AK8: variants seen among roughly 807,000 people sequenced by gnomAD.
AK8 encodes the protein ATP-AMP transphosphorylase 8.
AK8 carries 44 observed loss-of-function variants against 54.6 expected under a neutral mutation model. The observed-to-expected ratio is 0.81, with a 90% CI of 0.63 to 1.04. AK8 has a LOEUF of 1.04. Among genes scored for constraint, AK8 ranks in the 50% least tolerant of loss-of-function variants. AK8 has a pLI of 0.00. For synonymous variants in AK8, 239 were observed against 245.6 expected (o/e 0.97, Z 0.25); for missense variants, 555 against 613.6 (o/e 0.90, Z 1.01).
At chr9:132,766,614 C>A (rs1838735165) in intron 11 of AK8, among the ~76,000 whole-genome samples, 1 of 151,754 alleles carries the variant, frequency 6.6e-6, no homozygotes, top group African/African-American at 2.4e-5. Context: ...ATCAAAATAC[C>A]AATGAAATTC....
At chr9:132,878,366 A>G (rs1347958112), upstream of AK8, 16 of 1,251,116 alleles carry the variant, frequency 1.3e-5, no homozygotes, top group Non-Finnish European at 1.6e-5. This position sits in a 1 kb window ranked among gnomAD's most constrained non-coding sequence, Gnocchi z 4.7. Flanking sequence ...CGCCGGGCCC[A>G]GATACCCGAT....
intron 10 of AK8, among the ~76,000 whole-genome samples, chr9:132,804,417 A>C (rs1353921956): frequency 6.6e-6 from 1 of 152,152 alleles, no homozygotes; most frequent in African/African-American, 2.4e-5. Context: ...CTCCCAGTAA[A>C]AACCAACCAA....
At chr9:132,824,814 C>G (rs182322265) in intron 8 of AK8, among the ~76,000 whole-genome samples, 1,901 of 152,312 alleles carry the variant, frequency 0.012, 35 homozygotes, top group Middle Eastern at 0.02. Flanking sequence ...TTAGAATGGA[C>G]TTTTTTCCAG....
chr9:132,860,461 G>A lies in AK8; in HGVS notation c.333+3204C>T, dbSNP rs1026820345. Reference sequence around the variant, plus strand: ...TCAGCCAGCATCGTTCACATCTGGCGGACTCGAACGCAGGTAGAGGACAGG... The same window carrying A: ...TCAGCCAGCATCGTTCACATCTGGCAGACTCGAACGCAGGTAGAGGACAGG... On this transcript the variant is annotated intron_variant, in intron 4 of 12. Transcript: ENST00000298545. The surrounding 1 kb of genome is among the most constrained non-coding windows in gnomAD (Gnocchi z 4.4). Among the ~76,000 whole-genome samples, 9 of 152,208 alleles carry A rather than the reference G, an allele frequency of 5.9e-5. No homozygotes were observed. Among genetic ancestry groups the A allele is most frequent in the African/African-American group, 1.9e-4 (8 of 41,460 alleles).
chr9:132,782,996 ACTCCAAGATGTTCAC>A (rs1839542603), intron 11 of AK8, among the ~76,000 whole-genome samples: 3 of 151,898 alleles, frequency 2.0e-5, no homozygotes, highest in Admixed American at 6.6e-5. Context: ...CCTGCCCCCA[ACTCCAAGATGTTCAC>A]CTCTTAATTC....
chr9:132,867,045 C>A, intron 2 of AK8, 92 bp from the exon 3 acceptor site: 1 of 1,271,950 alleles, frequency 7.9e-7, no homozygotes, highest in East Asian at 2.3e-5. Flanking sequence ...TTCTCCCTCC[C>A]TAGATTTCAT....
intron 11 of AK8, among the ~76,000 whole-genome samples, chr9:132,741,592 C>G (rs947153435): frequency 6.6e-6 from 1 of 152,154 alleles, no homozygotes; most frequent in South Asian, 2.1e-4. Flanking sequence ...GGTGGGTCAC[C>G]GCAGCCTCCA....
intron 11 of AK8, among the ~76,000 whole-genome samples, chr9:132,783,615 T>C (rs1003670745): frequency 5.3e-5 from 8 of 150,194 alleles, no homozygotes; most frequent in African/African-American, 2.0e-4. Flanking sequence ...GAATACCTGT[T>C]AGAAAATGAA....
chr9:132,784,123 T>C (rs1165899318), intron 11 of AK8, among the ~76,000 whole-genome samples: 1 of 152,312 alleles, frequency 6.6e-6, no homozygotes, highest in African/African-American at 2.4e-5. Context: ...GACTGAGCTA[T>C]GGCCTGGTGA....
intron 11 of AK8, among the ~76,000 whole-genome samples, chr9:132,742,024 G>C (rs1837414916): frequency 6.6e-6 from 1 of 152,160 alleles, no homozygotes; most frequent in Non-Finnish European, 1.5e-5. Context: ...CAATGTGCCA[G>C]GCTGCTTTCA....
At position 132,789,099 on chromosome 9, in the gene AK8, T is replaced by C. The variant is rs183078620; in HGVS notation, c.1121+3535A>G. Among the ~76,000 whole-genome samples, 318 of 151,658 alleles carry C rather than the reference T, an allele frequency of 2.1e-3. 3 individuals carry two copies. Among genetic ancestry groups the C allele is most frequent in the African/African-American group, 7.3e-3 (302 of 41,280 alleles). On this transcript the variant is annotated intron_variant, in intron 11 of 12. Transcript: ENST00000298545. ...TCACAAAGTCAGGAGATCGAGACCA[T>C]CCTGGCTAACACGGTGAAACCCCGT...
intron 11 of AK8, among the ~76,000 whole-genome samples, chr9:132,733,011 C>T (rs761787397): frequency 6.6e-6 from 1 of 152,144 alleles, no homozygotes; most frequent in African/African-American, 2.4e-5. Flanking sequence ...CCATGCTGTT[C>T]GCTGAGCTTT....
chr9:132,878,853 C>T, upstream of AK8: 1 of 861,206 alleles, frequency 1.2e-6, no homozygotes, highest in Non-Finnish European at 1.4e-6. The surrounding 1 kb of genome is among the most constrained non-coding windows in gnomAD (Gnocchi z 4.7). Context: ...CGGTAACAAT[C>T]ACGCCCGCGG....
At chr9:132,815,810 T>C (rs374707612) in intron 9 of AK8, among the ~76,000 whole-genome samples, 2 of 152,252 alleles carry the variant, frequency 1.3e-5, no homozygotes, top group African/African-American at 4.8e-5. Flanking sequence ...TATATTTTCA[T>C]GAATTGTTCA....
intron 5 of AK8, among the ~76,000 whole-genome samples, chr9:132,849,531 A>C (rs1842886651): frequency 6.6e-6 from 1 of 152,180 alleles, no homozygotes; most frequent in Admixed American, 6.5e-5. Flanking sequence ...TGGGCTCTGG[A>C]TATCTGCCCA....
At chr9:132,872,937 C>T (rs563732614) in intron 2 of AK8, among the ~76,000 whole-genome samples, 2 of 152,170 alleles carry the variant, frequency 1.3e-5, no homozygotes, top group Non-Finnish European at 2.9e-5. Flanking sequence ...TCAGCCTCCC[C>T]AGTAGCTGGG....
Position 132,808,056 on chromosome 9 carries a change from C to G in AK8, c.979+6582G>C, listed in dbSNP as rs555838853. ...AGAACACGGTGGCAATGGAGTCCAT[C>G]AGCAGCAACCATCTCATTTTAAATG... is the stretch of plus-strand genomic sequence containing the variant. On this transcript the variant is annotated intron_variant, in intron 10 of 12. Coordinates refer to ENST00000298545, the MANE Select transcript of AK8 (RefSeq NM_152572.3). Among the ~76,000 whole-genome samples, 35 of 152,120 alleles carry G rather than the reference C, an allele frequency of 2.3e-4. No individual in the cohort carries two copies. In the South Asian group the frequency reaches 5.0e-3, roughly 22 times the overall value.
intron 5 of AK8, among the ~76,000 whole-genome samples, chr9:132,843,013 C>T (rs1227513293): frequency 6.6e-6 from 1 of 152,204 alleles, no homozygotes; most frequent in Non-Finnish European, 1.5e-5. Flanking sequence ...CATCCCCTCA[C>T]CTTTGCCACA....
At chr9:132,772,029 A>C (rs1315231102) in intron 11 of AK8, among the ~76,000 whole-genome samples, 1 of 152,212 alleles carries the variant, frequency 6.6e-6, no homozygotes, top group Non-Finnish European at 1.5e-5. Context: ...CTTATTCACT[A>C]TCACAACAAC....
Sources: gnomAD v4.1 joint callset for allele counts (sites outside exome capture counted in the v4.1 genomes callset) on GRCh38, gnomAD v4.1.1 for gene constraint, Gnocchi (gnomAD v3.1) non-coding constraint, MANE v1.5 for transcripts, NCBI Gene and HGNC (gene_info 2026-07-23, HGNC 2026-07-21) for gene names.